The following TBC1D31 variants were observed in gnomAD, a reference collection of about 807,000 sequenced individuals.
TBC1D31 encodes TBC1 domain family member 31.
TBC1D31 carries 99 observed loss-of-function variants against 132.9 expected under a neutral mutation model. The ratio of observed to expected loss-of-function variants is 0.74; its 90% CI spans 0.63 to 0.88. The LOEUF (loss-of-function observed/expected upper bound fraction) is 0.88. Among genes scored for constraint, TBC1D31 ranks in the 40% least tolerant of loss-of-function variants. The pLI is 0.00. For synonymous variants in TBC1D31, 385 were observed against 419.4 expected (o/e 0.92, Z 1.00); for missense variants, 1,134 against 1,256.6 (o/e 0.90, Z 1.48).
At position 123,140,753 on chromosome 8, in the gene TBC1D31, T is replaced by A; in HGVS notation, c.2500-8T>A. 4 of 1,589,618 alleles carry A rather than the reference T, an allele frequency of 2.5e-6. No individual in the cohort carries two copies. Among genetic ancestry groups the A allele is most frequent in the Non-Finnish European group, 3.4e-6 (4 of 1,173,054 alleles). On this transcript the variant is annotated splice_region_variant and splice_polypyrimidine_tract_variant and intron_variant, in intron 17 of 21. Transcript: ENST00000287380. ...TTAGTGATTTTTTTTTACAAATGAT[T>A]TTAACAGAATCTTACTGAAAATCAA...
chr8:123,117,533 T>A (rs1399747060), intron 10 of TBC1D31, among the ~76,000 whole-genome samples: 1 of 151,490 alleles, frequency 6.6e-6, no homozygotes, highest in Non-Finnish European at 1.5e-5. Flanking sequence ...GACGGGCGGA[T>A]GACGAGGTCA....
At chr8:123,111,798 C>A (rs140245374) in intron 10 of TBC1D31, among the ~76,000 whole-genome samples, 267 of 152,012 alleles carry the variant, frequency 1.8e-3, no homozygotes, top group African/African-American at 5.8e-3. Flanking sequence ...TTTTATAGTT[C>A]TTTTTGTCCT....
At chr8:123,141,426 C>T (rs1046770441) in intron 18 of TBC1D31, among the ~76,000 whole-genome samples, 12 of 99,732 alleles carry the variant, frequency 1.2e-4, no homozygotes, top group Non-Finnish European at 1.9e-4. Context: ...GTATTTTTCA[C>T]GCCAAATTTG....
chr8:123,159,731 G>A, the TBC1D31 span, among the ~76,000 whole-genome samples: 3 of 152,094 alleles, frequency 2.0e-5, no homozygotes, highest in East Asian at 3.9e-4. Flanking sequence ...GGCGGAGGTT[G>A]CGGTGAGCCG....
chr8:123,117,299 G>A (rs904223767), intron 10 of TBC1D31, among the ~76,000 whole-genome samples: 1 of 151,950 alleles, frequency 6.6e-6, no homozygotes, highest in Admixed American at 6.5e-5. Context: ...GGGTGAAAGA[G>A]TGAGACTTTG....
Position 123,077,149 on chromosome 8 carries a change from A to T in TBC1D31, c.116A>T (p.His39Leu). 1 of 1,612,812 alleles carries T rather than the reference A, an allele frequency of 6.2e-7. No individual in the cohort carries two copies. The highest frequency in any genetic ancestry group is 8.5e-7 in the Non-Finnish European group (1 of 1,179,582). The change falls in exon 2 of 22, where the codon CAT becomes CTT. Residue 39 changes from histidine to leucine, a missense_variant. Transcript: ENST00000287380. ...VNIIHNTSDY[H>L]PKVLRFLNVA... ...ATTATTCACAACACTTCCGATTACC[A>T]TCCAAAAGTTTTGCGATTTTTGAAT...
chr8:123,146,887 G>A (rs1822268297), intron 20 of TBC1D31, among the ~76,000 whole-genome samples: 1 of 151,950 alleles, frequency 6.6e-6, no homozygotes, highest in Non-Finnish European at 1.5e-5. Flanking sequence ...ATGTTGCCCA[G>A]GCTTGTCTCG....
At chr8:123,102,255 T>G (rs1219376265) in intron 7 of TBC1D31, 1 of 456,732 alleles carries the variant, frequency 2.2e-6, no homozygotes, top group Non-Finnish European at 4.4e-6. Context: ...AGGAAGAAGT[T>G]CGTGCTCAAA....
intron 10 of TBC1D31, among the ~76,000 whole-genome samples, chr8:123,116,150 T>G (rs901855319): frequency 3.3e-5 from 5 of 152,180 alleles, no homozygotes; most frequent in Non-Finnish European, 5.9e-5. Flanking sequence ...ATTCCAAAAT[T>G]GACTTGTTTT....
chr8:123,102,367 T>C, intron 7 of TBC1D31: 1 of 300,014 alleles, frequency 3.3e-6, no homozygotes, highest in Non-Finnish European at 6.4e-6. Flanking sequence ...CCTTTTTTTA[T>C]TCTAAAAAAA....
intron 10 of TBC1D31, among the ~76,000 whole-genome samples, chr8:123,118,233 T>G (rs569864041): frequency 1.4e-5 from 2 of 147,874 alleles, no homozygotes; most frequent in East Asian, 3.9e-4. Context: ...AACGGTAAAA[T>G]CTGAGTAAAG....
intron 5 of TBC1D31, among the ~76,000 whole-genome samples, chr8:123,096,457 T>C (rs12675780): frequency 0.29 from 44,350 of 152,172 alleles, 6,695 homozygotes; most frequent in Admixed American, 0.35. Context: ...AGTCATCCCA[T>C]GACTGGCCTA....
intron 10 of TBC1D31, among the ~76,000 whole-genome samples, chr8:123,114,318 T>C (rs1818721901): frequency 1.3e-5 from 1 of 79,404 alleles, no homozygotes; most frequent in African/African-American, 5.1e-5. Flanking sequence ...TGTTTGTTTT[T>C]TGTTGTTGTT....
chr8:123,156,271 T>C (rs1330267015), downstream of TBC1D31, among the ~76,000 whole-genome samples: 3 of 152,074 alleles, frequency 2.0e-5, no homozygotes, highest in African/African-American at 7.2e-5. Context: ...TGAAACTCCG[T>C]CTCTACTAAA....
chr8:123,076,760 A>G (rs1306657120), intron 1 of TBC1D31, among the ~76,000 whole-genome samples: 1 of 152,172 alleles, frequency 6.6e-6, no homozygotes, highest in Non-Finnish European at 1.5e-5. Context: ...CAGTTTATAA[A>G]TCTGTTTATA....
At chr8:123,102,349 G>GCCGGGGCA in intron 7 of TBC1D31, 1 of 417,806 alleles carries the variant, frequency 2.4e-6, no homozygotes, top group South Asian at 1.7e-5. Flanking sequence ...TTGGAGTGGC[G>GCCGGGGCA]TTTGCCACCT....
At chr8:123,123,070 G>A (rs371473408) in intron 11 of TBC1D31, 7 of 152,242 alleles carry the variant, frequency 4.6e-5, no homozygotes, top group South Asian at 2.1e-4. Context: ...TGGACACTGG[G>A]TGACTCTACC....
chr8:123,133,040 C>T (rs1820772099), intron 16 of TBC1D31, among the ~76,000 whole-genome samples: 1 of 152,226 alleles, frequency 6.6e-6, no homozygotes, highest in Admixed American at 6.5e-5. Flanking sequence ...TCCCAGCTAC[C>T]TGTTCTGATG....
intron 20 of TBC1D31, among the ~76,000 whole-genome samples, chr8:123,146,245 A>T (rs1822200856): frequency 1.3e-5 from 2 of 152,212 alleles, no homozygotes; most frequent in Admixed American, 1.3e-4. Context: ...TTACATAGTC[A>T]TGCAGCCATC....
Sources: gnomAD v4.1 joint callset for allele counts (sites outside exome capture counted in the v4.1 genomes callset) on GRCh38, gnomAD v4.1.1 for gene constraint, MANE v1.5 for transcripts, NCBI Gene and HGNC (gene_info 2026-07-23, HGNC 2026-07-21) for gene names.